The following SGCD variants were observed in gnomAD, a reference collection of about 807,000 sequenced individuals.
The protein encoded by SGCD is sarcoglycan delta.
SGCD carries 18 observed loss-of-function variants against 36.6 expected under a neutral mutation model. The observed-to-expected ratio is 0.49, with a 90% CI of 0.34 to 0.73. The LOEUF is 0.73. Ranked by LOEUF, SGCD falls within the 30% of genes least tolerant of loss-of-function variation. The pLI is 0.01. For synonymous variants in SGCD, 133 were observed against 130.6 expected (o/e 1.02, Z -0.12); for missense variants, 387 against 346.7 (o/e 1.12, Z -0.92).
chr5:156,075,690 A>C (rs754955305), intron 1 of SGCD, among the ~76,000 whole-genome samples: 9 of 152,234 alleles, frequency 5.9e-5, no homozygotes, highest in Non-Finnish European at 1.2e-4. Context: ...AGTCCTTTGT[A>C]ATAATTCAAG....
chr5:156,018,949 C>A (rs964663995), intron 1 of SGCD, among the ~76,000 whole-genome samples: 1 of 152,114 alleles, frequency 6.6e-6, no homozygotes, highest in African/African-American at 2.4e-5. Flanking sequence ...ACCTATAATT[C>A]AAGAGATTCA....
chr5:156,459,631 G>A (rs910992202), intron 3 of SGCD, among the ~76,000 whole-genome samples: 1 of 152,118 alleles, frequency 6.6e-6, no homozygotes, highest in South Asian at 2.1e-4. Flanking sequence ...GCTTTGATAA[G>A]TGCTTGATGA....
At chr5:156,537,759 C>G (rs946577945) in intron 4 of SGCD, among the ~76,000 whole-genome samples, 2 of 151,826 alleles carry the variant, frequency 1.3e-5, no homozygotes, top group Admixed American at 6.6e-5. Flanking sequence ...TAGCTAGTCC[C>G]ATCCCATCCT....
chr5:155,981,668 C>A (rs370450226), intron 1 of SGCD, among the ~76,000 whole-genome samples: 319 of 152,288 alleles, frequency 2.1e-3, no homozygotes, highest in African/African-American at 7.5e-3. Flanking sequence ...TTCACCAACA[C>A]AGCATGCATT....
intron 3 of SGCD, among the ~76,000 whole-genome samples, chr5:156,397,766 A>C (rs1483657455): frequency 6.6e-6 from 1 of 152,200 alleles, no homozygotes; most frequent in Non-Finnish European, 1.5e-5. Flanking sequence ...GTCATTGCTA[A>C]ACAAGTGACT....
intron 1 of SGCD, among the ~76,000 whole-genome samples, chr5:155,993,334 G>T (rs1292039274): frequency 1.4e-5 from 2 of 144,132 alleles, no homozygotes; most frequent in Admixed American, 7.0e-5. Context: ...CAAATCTGGG[G>T]TCCTTTTTTT....
intron 3 of SGCD, among the ~76,000 whole-genome samples, chr5:156,301,509 C>T (rs936652543): frequency 4.6e-5 from 7 of 152,020 alleles, no homozygotes; most frequent in East Asian, 1.9e-4. Context: ...TGTTGATTTT[C>T]GTCTTTTCAC....
intron 3 of SGCD, among the ~76,000 whole-genome samples, chr5:156,131,271 C>T (rs1388143467): frequency 6.6e-6 from 1 of 152,178 alleles, no homozygotes; most frequent in African/African-American, 2.4e-5. Flanking sequence ...TGTGAGACTG[C>T]CTTGGCTCAA....
the SGCD span, among the ~76,000 whole-genome samples, chr5:155,728,080 C>T: frequency 2.0e-5 from 3 of 152,252 alleles, no homozygotes; most frequent in East Asian, 5.8e-4. Context: ...CCTTGCACAC[C>T]AGTCTTCCTG....
the SGCD span, among the ~76,000 whole-genome samples, chr5:155,837,632 T>C: frequency 1.3e-5 from 2 of 152,218 alleles, no homozygotes; most frequent in African/African-American, 4.8e-5. Context: ...TCTGTTCACA[T>C]GCACAAGCCC....
intron 1 of SGCD, among the ~76,000 whole-genome samples, chr5:156,063,456 T>G (rs1760285434): frequency 8.1e-6 from 1 of 124,064 alleles, no homozygotes; most frequent in Non-Finnish European, 1.7e-5. Context: ...AGTAGTTTTT[T>G]CCAATTCTGT....
the SGCD span, among the ~76,000 whole-genome samples, chr5:155,736,294 T>C: frequency 6.6e-6 from 1 of 152,184 alleles, no homozygotes; most frequent in African/African-American, 2.4e-5. Context: ...CCAAAAAGCT[T>C]ACCAAACTAA....
chr5:156,144,444 A>G (rs1019862443), intron 3 of SGCD, among the ~76,000 whole-genome samples: 3 of 152,118 alleles, frequency 2.0e-5, no homozygotes, highest in African/African-American at 7.2e-5. Context: ...CTGGTGTGAG[A>G]TGGTATCTCA....
At chr5:156,482,495 TA>T (rs1755475258) in intron 3 of SGCD, among the ~76,000 whole-genome samples, 1 of 152,212 alleles carries the variant, frequency 6.6e-6, no homozygotes, top group African/African-American at 2.4e-5. Context: ...GAAAGGGTCA[TA>T]TGTTTCTTCT....
At chr5:156,042,420 C>G (rs1759661895) in intron 1 of SGCD, among the ~76,000 whole-genome samples, 1 of 152,118 alleles carries the variant, frequency 6.6e-6, no homozygotes, top group African/African-American at 2.4e-5. Context: ...TGTAACCACC[C>G]AACAAGCTCA....
intron 7 of SGCD, among the ~76,000 whole-genome samples, chr5:156,717,992 G>A (rs1220025599): frequency 6.6e-6 from 1 of 152,054 alleles, no homozygotes; most frequent in African/African-American, 2.4e-5. Flanking sequence ...TTCTATGTCT[G>A]CTTGTTTTAA....
intron 3 of SGCD, among the ~76,000 whole-genome samples, chr5:156,430,477 T>C (rs1773888766): frequency 6.6e-6 from 1 of 152,146 alleles, no homozygotes; most frequent in Non-Finnish European, 1.5e-5. Context: ...TTTGGAATTC[T>C]TTATTGGAAA....
chr5:156,313,503 T>A (rs1369392468), intron 3 of SGCD, among the ~76,000 whole-genome samples: 1 of 152,080 alleles, frequency 6.6e-6, no homozygotes, highest in Admixed American at 6.6e-5. Flanking sequence ...GCTGCTATGG[T>A]TATATGTAAA....
At chr5:156,378,113 G>C (rs1331816545) in intron 3 of SGCD, among the ~76,000 whole-genome samples, 1 of 152,174 alleles carries the variant, frequency 6.6e-6, no homozygotes, top group Non-Finnish European at 1.5e-5. Context: ...TCCATTGACA[G>C]ATGAATGGAT....
Sources: gnomAD v4.1 joint callset for allele counts (sites outside exome capture counted in the v4.1 genomes callset) on GRCh38, gnomAD v4.1.1 for gene constraint, MANE v1.5 for transcripts, NCBI Gene and HGNC (gene_info 2026-07-23, HGNC 2026-07-21) for gene names.